Variants in CCDC102B observed in about 807,000 individuals in gnomAD.
CCDC102B encodes the protein coiled-coil domain-containing protein 102B.
In CCDC102B, 75 loss-of-function variants were observed where a neutral mutation model predicts 57.4. The ratio of observed to expected loss-of-function variants is 1.31; its 90% CI spans 1.08 to 1.58. The LOEUF (loss-of-function observed/expected upper bound fraction) is 1.58, where lower values mean the gene tolerates loss of function less well. CCDC102B is among the 40% of genes most tolerant of loss of function. The pLI is 0.00. For synonymous variants in CCDC102B, 206 were observed against 201.9 expected (o/e 1.02, Z -0.17); for missense variants, 636 against 582.6 (o/e 1.09, Z -0.94).
chr18:68,831,232 A>C (rs1381475758), intron 1 of CCDC102B, among the ~76,000 whole-genome samples: 2 of 152,022 alleles, frequency 1.3e-5, no homozygotes, highest in Non-Finnish European at 2.9e-5. Flanking sequence ...TTCTCAAATA[A>C]TTTTACTGAA....
intron 6 of CCDC102B, chr18:68,900,056 A>G (rs1208508574): frequency 6.6e-6 from 1 of 152,152 alleles, no homozygotes; most frequent in Non-Finnish European, 1.5e-5. Flanking sequence ...ATCTATATTT[A>G]AAGCATAAAC....
At chr18:68,773,457 G>C (rs150654806) in intron 2 of CCDC102B, among the ~76,000 whole-genome samples, 27 of 152,010 alleles carry the variant, frequency 1.8e-4, no homozygotes, top group African/African-American at 1.2e-4. Flanking sequence ...CCATAACACA[G>C]TTTTATTTAC....
At chr18:69,006,817 A>G (rs892970180) in intron 6 of CCDC102B, among the ~76,000 whole-genome samples, 17 of 152,184 alleles carry the variant, frequency 1.1e-4, no homozygotes, top group African/African-American at 3.9e-4. Flanking sequence ...TAATGGATCA[A>G]AATGTCAAAT....
At chr18:68,765,315 AGGAAGGAAGGAAAG>A (rs1217665790) in intron 2 of CCDC102B, among the ~76,000 whole-genome samples, 1,670 of 70,538 alleles carry the variant, frequency 0.024, 26 homozygotes, top group African/African-American at 0.044. Context: ...GAAGGAAGGA[AGGAAGGAAGGAAAG>A]AAAGAAAGAA....
chr18:68,885,670 TTAGAA>T (rs148045385), intron 5 of CCDC102B, among the ~76,000 whole-genome samples: 1,610 of 152,112 alleles, frequency 0.011, 33 homozygotes, highest in East Asian at 0.08. Context: ...ATAATATAGA[TTAGAA>T]TAGTACATTA....
At chr18:68,811,339 G>A (rs2036255893) in intron 1 of CCDC102B, among the ~76,000 whole-genome samples, 1 of 152,152 alleles carries the variant, frequency 6.6e-6, no homozygotes, top group South Asian at 2.1e-4. Context: ...ACACATAAGA[G>A]GCTGGGCTTG....
intron 1 of CCDC102B, among the ~76,000 whole-genome samples, chr18:68,800,161 T>C (rs1426802382): frequency 6.6e-6 from 1 of 152,152 alleles, no homozygotes; most frequent in Admixed American, 6.6e-5. Flanking sequence ...TTCAGAAACG[T>C]TCAATGATTT....
At chr18:68,843,646 G>A (rs2037733585) in intron 3 of CCDC102B, among the ~76,000 whole-genome samples, 3 of 151,866 alleles carry the variant, frequency 2.0e-5, no homozygotes, top group Admixed American at 2.0e-4. Flanking sequence ...TCATATTAAA[G>A]ATACGACATT....
chr18:68,809,184 A>G (rs1221684150), intron 1 of CCDC102B, among the ~76,000 whole-genome samples: 1 of 152,164 alleles, frequency 6.6e-6, no homozygotes, highest in African/African-American at 2.4e-5. Context: ...AGCTTCTACA[A>G]TATTGTGCTT....
chr18:68,872,228 T>A (rs1415596031), intron 4 of CCDC102B, among the ~76,000 whole-genome samples: 1 of 152,146 alleles, frequency 6.6e-6, no homozygotes, highest in Non-Finnish European at 1.5e-5. Flanking sequence ...AAGTTGGACA[T>A]GTGCATTCAA....
intron 6 of CCDC102B, among the ~76,000 whole-genome samples, chr18:68,970,424 G>A (rs2050270616): frequency 6.6e-6 from 1 of 151,636 alleles, no homozygotes; most frequent in African/African-American, 2.4e-5. Flanking sequence ...TGATTTTTCT[G>A]TTTCACATCT....
At chr18:68,969,626 A>G (rs936516762) in intron 6 of CCDC102B, among the ~76,000 whole-genome samples, 1 of 151,994 alleles carries the variant, frequency 6.6e-6, no homozygotes, top group Non-Finnish European at 1.5e-5. Flanking sequence ...CATAATATAC[A>G]TAGTGATAAA....
intron 2 of CCDC102B, among the ~76,000 whole-genome samples, chr18:68,741,667 T>TCACACACACACACACA (rs60407642): frequency 2.8e-5 from 4 of 140,370 alleles, no homozygotes; most frequent in African/African-American, 8.0e-5. Flanking sequence ...TGAAGACTGG[T>TCACACACACACACACA]CACACACACA....
At chr18:68,815,661 T>G (rs1379057335) in intron 1 of CCDC102B, among the ~76,000 whole-genome samples, 1 of 123,638 alleles carries the variant, frequency 8.1e-6, no homozygotes, top group Non-Finnish European at 1.7e-5. Flanking sequence ...CCAGCCACCC[T>G]TCACCTCCAT....
chr18:68,878,244 G>A (rs911320824), intron 5 of CCDC102B, among the ~76,000 whole-genome samples: 24 of 152,014 alleles, frequency 1.6e-4, no homozygotes, highest in African/African-American at 4.8e-4. Context: ...CTACAGGTGC[G>A]CACCACTATG....
intron 2 of CCDC102B, among the ~76,000 whole-genome samples, chr18:68,733,299 A>G (rs1326461756): frequency 6.6e-6 from 1 of 152,040 alleles, no homozygotes; most frequent in African/African-American, 2.4e-5. Flanking sequence ...ACATTAAAGA[A>G]CAGGGGAGAA....
At chr18:68,897,487 G>C in intron 6 of CCDC102B, 59 bp downstream of exon 6, 1 of 1,579,960 alleles carries the variant, frequency 6.3e-7, no homozygotes, top group Non-Finnish European at 8.7e-7. Context: ...TGCCTACGCA[G>C]AGTCTGTCTT....
At chr18:68,943,837 A>G (rs981229967) in intron 6 of CCDC102B, among the ~76,000 whole-genome samples, 2 of 152,154 alleles carry the variant, frequency 1.3e-5, no homozygotes, top group African/African-American at 2.4e-5. Flanking sequence ...GCGGAGGGGA[A>G]CTCAAATGCA....
At chr18:68,770,417 C>A (rs1206248454) in intron 2 of CCDC102B, among the ~76,000 whole-genome samples, 2 of 152,270 alleles carry the variant, frequency 1.3e-5, no homozygotes, top group East Asian at 3.9e-4. Context: ...TACTTAATTT[C>A]TTTTAAGACA....
Sources: gnomAD v4.1 joint callset for allele counts (sites outside exome capture counted in the v4.1 genomes callset) on GRCh38, gnomAD v4.1.1 for gene constraint, MANE v1.5 for transcripts, NCBI Gene and HGNC (gene_info 2026-07-23, HGNC 2026-07-21) for gene names.